PARD3: variants seen among roughly 807,000 people sequenced by gnomAD.
PARD3 encodes the protein partitioning defective 3 homolog.
PARD3 carries 75 observed loss-of-function variants against 155.4 expected under a neutral mutation model. That is an observed-to-expected ratio of 0.48 (90% confidence interval 0.40 to 0.58). The LOEUF (loss-of-function observed/expected upper bound fraction) is 0.58. Ranked by LOEUF, PARD3 falls within the 20% of genes least tolerant of loss-of-function variation. The pLI is 0.00. For synonymous variants in PARD3, 576 were observed against 610.5 expected (o/e 0.94, Z 0.83); for missense variants, 1,642 against 1,721.7 (o/e 0.95, Z 0.82).
At chr10:34,590,289 A>G (rs778173979) in intron 2 of PARD3, among the ~76,000 whole-genome samples, 14 of 152,292 alleles carry the variant, frequency 9.2e-5, no homozygotes, top group Middle Eastern at 3.4e-3. Context: ...CACTCAAAGA[A>G]TCCTTAAAAT....
At chr10:34,546,843 G>A (rs573791513) in intron 2 of PARD3, among the ~76,000 whole-genome samples, 2 of 152,152 alleles carry the variant, frequency 1.3e-5, no homozygotes, top group South Asian at 4.2e-4. Flanking sequence ...CAATGAATGA[G>A]CACATTAGAA....
intron 1 of PARD3, among the ~76,000 whole-genome samples, chr10:34,743,392 T>C (rs749102270): frequency 1.3e-5 from 2 of 152,174 alleles, no homozygotes; most frequent in Non-Finnish European, 2.9e-5. Context: ...TCAGATCAGT[T>C]TCTTTGATTG....
At chr10:34,801,592 T>G (rs1278362079) in intron 1 of PARD3, among the ~76,000 whole-genome samples, 1 of 152,130 alleles carries the variant, frequency 6.6e-6, no homozygotes, top group Non-Finnish European at 1.5e-5. Flanking sequence ...GATAAATAGG[T>G]CAACTCCTGG....
chr10:34,330,032 T>C (rs1835451264), intron 19 of PARD3, among the ~76,000 whole-genome samples: 1 of 151,658 alleles, frequency 6.6e-6, no homozygotes. Context: ...ACTCAAATGT[T>C]GAATTGCAAG....
intron 22 of PARD3, among the ~76,000 whole-genome samples, chr10:34,191,869 G>A (rs1950727019): frequency 6.6e-6 from 1 of 152,086 alleles, no homozygotes; most frequent in Admixed American, 6.5e-5. Context: ...TTTGTACACT[G>A]CACATGATCA....
chr10:34,294,362 T>C (rs917401869), intron 20 of PARD3, among the ~76,000 whole-genome samples: 2 of 152,252 alleles, frequency 1.3e-5, no homozygotes, highest in Non-Finnish European at 1.5e-5. Flanking sequence ...TGTATGTTCA[T>C]AGAGCAGACG....
intron 1 of PARD3, among the ~76,000 whole-genome samples, chr10:34,710,017 C>G (rs72783645): frequency 0.13 from 19,336 of 152,012 alleles, 1,464 homozygotes; most frequent in Middle Eastern, 0.26. Flanking sequence ...GGACAGGGAG[C>G]TAGAATTTGG....
chr10:34,646,100 C>A (rs1019385886), intron 2 of PARD3, among the ~76,000 whole-genome samples: 2 of 152,140 alleles, frequency 1.3e-5, no homozygotes, highest in African/African-American at 4.8e-5. Flanking sequence ...TTAGAAATAA[C>A]TGAATATATG....
At chr10:34,196,834 G>A (rs1281455110) in intron 22 of PARD3, among the ~76,000 whole-genome samples, 1 of 152,018 alleles carries the variant, frequency 6.6e-6, no homozygotes, top group Non-Finnish European at 1.5e-5. Flanking sequence ...TGGCCTCCCA[G>A]AGTGCCCTTT....
At chr10:34,223,337 A>G (rs1346291705) in intron 22 of PARD3, among the ~76,000 whole-genome samples, 1 of 152,234 alleles carries the variant, frequency 6.6e-6, no homozygotes. Flanking sequence ...TGAAAAAGAC[A>G]TGATGGCCAA....
At chr10:34,257,734 C>T (rs1448294074) in intron 22 of PARD3, among the ~76,000 whole-genome samples, 1 of 152,122 alleles carries the variant, frequency 6.6e-6, no homozygotes, top group African/African-American at 2.4e-5. Context: ...ATAAACAACC[C>T]CCATTACACA....
intron 2 of PARD3, among the ~76,000 whole-genome samples, chr10:34,631,316 G>A (rs1305428869): frequency 6.6e-6 from 1 of 152,128 alleles, no homozygotes; most frequent in Non-Finnish European, 1.5e-5. Flanking sequence ...AAAGGTCCGT[G>A]ACGTCAAGGC....
At chr10:34,312,375 TG>T in intron 20 of PARD3, 2 of 1,612,758 alleles carry the variant, frequency 1.2e-6, no homozygotes, top group Non-Finnish European at 1.7e-6. Context: ...GGCTTCAGTT[TG>T]GCAAGGCTAA....
chr10:34,658,642 A>G (rs533464190), intron 2 of PARD3, among the ~76,000 whole-genome samples: 4 of 152,122 alleles, frequency 2.6e-5, no homozygotes, highest in Non-Finnish European at 5.9e-5. Context: ...ACGAGAAGGA[A>G]CTGCCAATTA....
chr10:34,419,504 A>C (rs1381335111), intron 5 of PARD3, among the ~76,000 whole-genome samples: 1 of 152,118 alleles, frequency 6.6e-6, no homozygotes, highest in Non-Finnish European at 1.5e-5. Flanking sequence ...GTGACAGAGC[A>C]AGACTCCGTC....
At chr10:34,557,148 T>A (rs2085070774) in intron 2 of PARD3, among the ~76,000 whole-genome samples, 1 of 152,174 alleles carries the variant, frequency 6.6e-6, no homozygotes, top group South Asian at 2.1e-4. Context: ...TCTTTTTCTT[T>A]ACTCTTGCCA....
rs141094509 is a variant in PARD3 at position 34,127,464 on chromosome 10, C to T, written c.3540+3999G>A. On this transcript the variant is annotated intron_variant, in intron 23 of 24. Coordinates refer to ENST00000374788, the MANE Select transcript of PARD3 (RefSeq NM_001184785.2). ...CTAGCCTACCTCTGCTATATGGTAC[C>T]AAGTATTCCTTTATTTTTTATCAGT... is the stretch of plus-strand genomic sequence containing the variant. Among the ~76,000 whole-genome samples the T allele has an allele frequency of 2.6e-5, 4 of 152,314 alleles. No individual in the cohort carries two copies. The East Asian group carries it at 7.7e-4, about 29-fold the overall frequency.
chr10:34,361,327 C>G (rs1339396190), intron 12 of PARD3, among the ~76,000 whole-genome samples: 1 of 152,178 alleles, frequency 6.6e-6, no homozygotes, highest in Admixed American at 6.5e-5. Flanking sequence ...AAATATTTCT[C>G]CAGCATCTGT....
chr10:34,606,205 T>C (rs2090418894), intron 2 of PARD3, among the ~76,000 whole-genome samples: 1 of 114,058 alleles, frequency 8.8e-6, no homozygotes, highest in Non-Finnish European at 1.8e-5. Flanking sequence ...TGTGTGTGTG[T>C]GTGTGTAGTT....
Sources: gnomAD v4.1 joint callset for allele counts (sites outside exome capture counted in the v4.1 genomes callset) on GRCh38, gnomAD v4.1.1 for gene constraint, MANE v1.5 for transcripts, NCBI Gene and HGNC (gene_info 2026-07-23, HGNC 2026-07-21) for gene names.